The following IDE variants were observed in gnomAD, a reference collection of about 807,000 sequenced individuals.
The protein encoded by IDE is insulin degrading enzyme.
Under a neutral mutation model 133.2 loss-of-function variants are expected in IDE, and 58 were observed. The ratio of observed to expected loss-of-function variants is 0.44; its 90% CI spans 0.35 to 0.54. IDE has a LOEUF of 0.54. Among genes scored for constraint, IDE ranks in the 20% least tolerant of loss-of-function variants. IDE has a pLI of 0.00. For synonymous variants in IDE, 396 were observed against 421.3 expected, an observed-to-expected ratio of 0.94 and a Z score of 0.73; for missense variants, 981 against 1,234.0, an observed-to-expected ratio of 0.79 and a Z score of 3.07.
At chr10:92,565,154 G>A (rs1440327434) in intron 1 of IDE, among the ~76,000 whole-genome samples, 1 of 150,016 alleles carries the variant, frequency 6.7e-6, no homozygotes, top group African/African-American at 2.5e-5. Flanking sequence ...GGATGAAACA[G>A]AATTGCTTGA....
At chr10:92,481,475 T>C (rs1256092817) in intron 14 of IDE, among the ~76,000 whole-genome samples, 1 of 152,210 alleles carries the variant, frequency 6.6e-6, no homozygotes, top group Non-Finnish European at 1.5e-5. Flanking sequence ...GCAGCTGTGC[T>C]GGTGAAGTGG....
At chr10:92,533,766 G>A (rs1292509023) in intron 3 of IDE, among the ~76,000 whole-genome samples, 1 of 150,122 alleles carries the variant, frequency 6.7e-6, no homozygotes, top group Non-Finnish European at 1.5e-5. Flanking sequence ...GCTCATGCCT[G>A]TAATCCCAGC....
At chr10:92,467,546 C>T (rs1219342397) in intron 19 of IDE, among the ~76,000 whole-genome samples, 5 of 152,080 alleles carry the variant, frequency 3.3e-5, no homozygotes, top group Admixed American at 2.0e-4. Flanking sequence ...TGGGAGGGTA[C>T]TTAGGAGGCA....
intron 11 of IDE, among the ~76,000 whole-genome samples, chr10:92,498,383 G>C (rs1847828980): frequency 6.8e-6 from 1 of 146,878 alleles, no homozygotes; most frequent in African/African-American, 2.5e-5. Context: ...AGCACTTTGA[G>C]AGGACGGGGT....
intron 1 of IDE, chr10:92,558,794 C>G (rs1311463689): frequency 1.3e-5 from 2 of 152,072 alleles, no homozygotes; most frequent in Non-Finnish European, 2.9e-5. Flanking sequence ...GGGGTTTCAC[C>G]TTGTTGGTCA....
At chr10:92,551,152 C>T (rs12220493) in intron 1 of IDE, among the ~76,000 whole-genome samples, 56,958 of 152,120 alleles carry the variant, frequency 0.37, 12,008 homozygotes, top group East Asian at 0.67. Context: ...GTGGAAGTCA[C>T]GCCAGTGTCC....
At chr10:92,490,715 C>T (rs927989656) in intron 11 of IDE, 120 bp from the exon 12 acceptor site, 27 of 655,546 alleles carry the variant, frequency 4.1e-5, no homozygotes, top group Non-Finnish European at 6.9e-5. Flanking sequence ...CTCTTAAGAC[C>T]CAGCAAATCC....
At chr10:92,516,620 A>G (rs1158768432) in intron 4 of IDE, among the ~76,000 whole-genome samples, 1 of 152,240 alleles carries the variant, frequency 6.6e-6, no homozygotes, top group Non-Finnish European at 1.5e-5. Flanking sequence ...TTAATTTTCA[A>G]TTCCCTATGT....
intron 6 of IDE, among the ~76,000 whole-genome samples, chr10:92,509,623 A>G (rs1490071474): frequency 6.6e-6 from 1 of 151,246 alleles, no homozygotes; most frequent in Non-Finnish European, 1.5e-5. Flanking sequence ...CAAACAAACA[A>G]AAAACACTAC....
chr10:92,552,191 G>A (rs1302340439), intron 1 of IDE, among the ~76,000 whole-genome samples: 2 of 152,062 alleles, frequency 1.3e-5, no homozygotes, highest in Non-Finnish European at 2.9e-5. Context: ...TAAAGCCTAA[G>A]AGAAAAAGAA....
At chr10:92,510,966 G>T (rs1241376323) in intron 5 of IDE, among the ~76,000 whole-genome samples, 1 of 150,734 alleles carries the variant, frequency 6.6e-6, no homozygotes, top group Non-Finnish European at 1.5e-5. Flanking sequence ...TGAGAAGAGG[G>T]CACAGCAGTC....
At chr10:92,508,262 T>C (rs980201697) in intron 7 of IDE, 57 bp from the exon 8 acceptor site, 5 of 1,377,496 alleles carry the variant, frequency 3.6e-6, no homozygotes, top group Non-Finnish European at 5.1e-6. Flanking sequence ...TCCTTGAAGA[T>C]AAGAAAAATT....
chr10:92,478,364 T>C (rs911922349), intron 15 of IDE, among the ~76,000 whole-genome samples: 1 of 152,190 alleles, frequency 6.6e-6, no homozygotes, highest in African/African-American at 2.4e-5. Context: ...CTCAATTATA[T>C]AGAAAGAACA....
intron 1 of IDE, among the ~76,000 whole-genome samples, chr10:92,568,423 T>C (rs1483412708): frequency 6.6e-6 from 1 of 152,272 alleles, no homozygotes; most frequent in Non-Finnish European, 1.5e-5. Flanking sequence ...TCAAAAGCTA[T>C]AAAACTAAAA....
intron 8 of IDE, 116 bp downstream of exon 8, chr10:92,507,997 T>A: frequency 1.3e-6 from 1 of 758,684 alleles, no homozygotes; most frequent in South Asian, 1.7e-5. Flanking sequence ...GGATAAGTTG[T>A]ATGAATTAAA....
intron 5 of IDE, among the ~76,000 whole-genome samples, chr10:92,512,379 AG>A (rs1848678663): frequency 6.6e-6 from 1 of 152,150 alleles, no homozygotes; most frequent in Non-Finnish European, 1.5e-5. Flanking sequence ...ACAATGGGAG[AG>A]TGATGTGTAT....
chr10:92,522,040 G>A (rs775340118), intron 4 of IDE, among the ~76,000 whole-genome samples: 13 of 151,744 alleles, frequency 8.6e-5, no homozygotes, highest in Non-Finnish European at 1.5e-4. Flanking sequence ...GTGTTCTTTT[G>A]TGTATGTTTT....
intron 24 of IDE, 94 bp downstream of exon 24, chr10:92,455,482 A>G: frequency 1.2e-6 from 1 of 810,766 alleles, no homozygotes; most frequent in Non-Finnish European, 2.1e-6. Context: ...CTCCATTTCA[A>G]AAACAAAAAA....
At chr10:92,473,935 T>C (rs1247484859) in intron 17 of IDE, among the ~76,000 whole-genome samples, 3 of 151,678 alleles carry the variant, frequency 2.0e-5, no homozygotes, top group African/African-American at 7.3e-5. Context: ...TGAGCTGAGA[T>C]TGCACCACTG....
Sources: allele counts gnomAD v4.1 joint callset (sites outside exome capture counted in the v4.1 genomes callset), GRCh38; gene constraint gnomAD v4.1.1; transcripts MANE v1.5; gene names NCBI Gene and HGNC (gene_info 2026-07-23, HGNC 2026-07-21).